SLC9A8: variants seen among roughly 807,000 people sequenced by gnomAD.
SLC9A8 encodes solute carrier family 9 member A8, also known as sodium/hydrogen exchanger 8.
Under a neutral mutation model 66.6 loss-of-function variants are expected in SLC9A8, and 48 were observed. The observed-to-expected ratio is 0.72, with a 90% CI of 0.57 to 0.92. The LOEUF is 0.92. Among genes scored for constraint, SLC9A8 ranks in the 40% least tolerant of loss-of-function variants. The pLI is 0.00. For missense variants in SLC9A8, 599 were observed against 747.3 expected, an observed-to-expected ratio of 0.80 and a Z score of 2.31; for synonymous variants, 274 against 282.6, an observed-to-expected ratio of 0.97 and a Z score of 0.31.
At chr20:49,828,640 A>G (rs1432096717) in intron 3 of SLC9A8, among the ~76,000 whole-genome samples, 1 of 151,392 alleles carries the variant, frequency 6.6e-6, no homozygotes, top group Non-Finnish European at 1.5e-5. Flanking sequence ...GGAGTTTGAA[A>G]CCAGCCTGGC....
At chr20:49,830,817 GC>G in intron 3 of SLC9A8, 1 of 1,350,492 alleles carries the variant, frequency 7.4e-7, no homozygotes, top group Non-Finnish European at 1.1e-6. Flanking sequence ...GACAGATCAG[GC>G]CCAGCAGACA....
chr20:49,859,669 A>T (rs545566424), intron 8 of SLC9A8, among the ~76,000 whole-genome samples: 2 of 152,202 alleles, frequency 1.3e-5, no homozygotes, highest in Admixed American at 1.3e-4. Context: ...TGATGTTGTT[A>T]CCTTCATGAA....
intron 3 of SLC9A8, among the ~76,000 whole-genome samples, chr20:49,834,449 A>G (rs1374123995): frequency 2.9e-5 from 2 of 67,964 alleles, no homozygotes; most frequent in East Asian, 5.3e-4. Flanking sequence ...ATATATATAT[A>G]CTGTATATAT....
chr20:49,887,524 C>A (rs910784681), intron 15 of SLC9A8, among the ~76,000 whole-genome samples: 1 of 152,146 alleles, frequency 6.6e-6, no homozygotes, highest in South Asian at 2.1e-4. Flanking sequence ...GCAGTAACCC[C>A]GCAAGGTCAC....
chr20:49,882,522 G>A lies in SLC9A8; in HGVS notation c.1271-1324G>A, dbSNP rs1454399224. ...TGGCCCCAGCCCCACTTCTGTTCAC[G>A]TGTTCTGCACTTCACTGAGTGCGCT... On this transcript the variant is annotated intron_variant, in intron 13 of 15. Coordinates refer to ENST00000361573, the MANE Select transcript of SLC9A8 (RefSeq NM_015266.3). Among the ~76,000 whole-genome samples the A allele has an allele frequency of 3.9e-5, 6 of 152,280 alleles. No individual in the cohort carries two copies. The South Asian group carries it at 6.2e-4, about 16-fold the overall frequency.
At chr20:49,837,972 A>G (rs147536114) in intron 3 of SLC9A8, among the ~76,000 whole-genome samples, 2,475 of 152,302 alleles carry the variant, frequency 0.016, 31 homozygotes, top group Non-Finnish European at 0.024. Context: ...TTAATGTTGA[A>G]CAAAATAGCA....
intron 10 of SLC9A8, among the ~76,000 whole-genome samples, chr20:49,874,488 G>T (rs1314178497): frequency 6.6e-6 from 1 of 152,186 alleles, no homozygotes; most frequent in Non-Finnish European, 1.5e-5. Context: ...GATGGGGGAT[G>T]TAATGTGGCT....
intron 3 of SLC9A8, among the ~76,000 whole-genome samples, chr20:49,835,921 C>T (rs2087516923): frequency 6.6e-6 from 1 of 152,004 alleles, no homozygotes; most frequent in Non-Finnish European, 1.5e-5. Flanking sequence ...CTCCTGACCT[C>T]AGCCTCCCAA....
intron 2 of SLC9A8, among the ~76,000 whole-genome samples, chr20:49,822,226 T>C (rs1008303311): frequency 6.6e-6 from 1 of 152,188 alleles, no homozygotes; most frequent in African/African-American, 2.4e-5. Flanking sequence ...GATGTTCTTG[T>C]CACCAAACCA....
chr20:49,850,753 G>T, intron 6 of SLC9A8, 57 bp from the exon 7 acceptor site: 3 of 1,595,478 alleles, frequency 1.9e-6, no homozygotes, highest in Non-Finnish European at 2.6e-6. Flanking sequence ...AATCTTGGCT[G>T]TTCTCCAGGG....
intron 8 of SLC9A8, among the ~76,000 whole-genome samples, chr20:49,862,371 C>G (rs538197751): frequency 6.6e-6 from 1 of 152,256 alleles, no homozygotes; most frequent in Non-Finnish European, 1.5e-5. Flanking sequence ...AAGCGATTCT[C>G]CTGCCTCAGC....
At chr20:49,841,713 C>G (rs1214624409) in intron 4 of SLC9A8, among the ~76,000 whole-genome samples, 1 of 152,072 alleles carries the variant, frequency 6.6e-6, no homozygotes, top group Non-Finnish European at 1.5e-5. Flanking sequence ...GTCTCAGCCT[C>G]CTGAGTAGCT....
chr20:49,884,652 CTT>C (rs1046174414), intron 14 of SLC9A8, among the ~76,000 whole-genome samples: 1 of 152,158 alleles, frequency 6.6e-6, no homozygotes, highest in Non-Finnish European at 1.5e-5. Flanking sequence ...GGGAGGATGT[CTT>C]GCGGTGGCTG....
intron 8 of SLC9A8, among the ~76,000 whole-genome samples, chr20:49,857,064 A>G (rs1328105538): frequency 6.6e-6 from 1 of 152,224 alleles, no homozygotes; most frequent in Non-Finnish European, 1.5e-5. Flanking sequence ...GTGGTCATTA[A>G]CAGGCAGGCA....
chr20:49,829,763 G>A (rs771437869), intron 3 of SLC9A8: 21 of 528,922 alleles, frequency 4.0e-5, no homozygotes, highest in Non-Finnish European at 7.2e-5. Context: ...GACAAGAATC[G>A]GCTTAATTCC....
At chr20:49,851,641 T>C (rs2088257710) in intron 7 of SLC9A8, among the ~76,000 whole-genome samples, 1 of 152,182 alleles carries the variant, frequency 6.6e-6, no homozygotes, top group Non-Finnish European at 1.5e-5. Context: ...GGGACTAGAA[T>C]CTGGGAACCC....
intron 3 of SLC9A8, among the ~76,000 whole-genome samples, chr20:49,835,317 A>G (rs73123872): frequency 0.11 from 16,743 of 152,060 alleles, 992 homozygotes; most frequent in African/African-American, 0.16. Context: ...CAGTGGGGCA[A>G]TGGTTCAAAA....
chr20:49,845,143 G>A (rs758017297), intron 5 of SLC9A8, 24 bp downstream of exon 5: 1 of 1,536,308 alleles, frequency 6.5e-7, no homozygotes, highest in East Asian at 2.2e-5. Context: ...ACACATTGGT[G>A]CTTTGGTCTG....
chr20:49,847,374 TTTC>T (rs1243085901), intron 5 of SLC9A8, among the ~76,000 whole-genome samples: 12 of 148,052 alleles, frequency 8.1e-5, no homozygotes, highest in South Asian at 2.1e-4. Flanking sequence ...ATGTAAAGTT[TTTC>T]TTTTCTTTTT....
Sources: gnomAD v4.1 joint callset for allele counts (sites outside exome capture counted in the v4.1 genomes callset) on GRCh38, gnomAD v4.1.1 for gene constraint, MANE v1.5 for transcripts, NCBI Gene and HGNC (gene_info 2026-07-23, HGNC 2026-07-21) for gene names.